Variants in CCNY observed in about 807,000 individuals in gnomAD.
CCNY encodes cyclin-Y.
Under a neutral mutation model 42.8 loss-of-function variants are expected in CCNY, and 19 were observed. The ratio of observed to expected loss-of-function variants is 0.44; its 90% CI spans 0.31 to 0.65. The LOEUF is 0.65. Ranked by LOEUF, CCNY falls within the 30% of genes least tolerant of loss-of-function variation. The probability of loss-of-function intolerance (pLI) is 0.07; values close to 1 mark genes in which losing one functional copy is unlikely to be tolerated. For missense variants in CCNY, 370 were observed against 437.3 expected (o/e 0.85, Z 1.37); for synonymous variants, 165 against 162.7 (o/e 1.01, Z -0.11).
intron 1 of CCNY, among the ~76,000 whole-genome samples, chr10:35,433,073 G>A (rs529452966): frequency 4.6e-5 from 7 of 152,112 alleles, no homozygotes; most frequent in African/African-American, 1.7e-4. Context: ...GGCTGGGCAC[G>A]GTGGCTCATA....
chr10:35,275,521 T>A (rs946453006), intron 3 of CCNY, among the ~76,000 whole-genome samples: 10 of 150,644 alleles, frequency 6.6e-5, no homozygotes, highest in Non-Finnish European at 1.0e-4. Context: ...CCCAGCACTT[T>A]GGGAGGCCGA....
intron 1 of CCNY, among the ~76,000 whole-genome samples, chr10:35,367,915 C>T (rs989517792): frequency 2.6e-5 from 4 of 152,158 alleles, no homozygotes; most frequent in Non-Finnish European, 2.9e-5. Context: ...ACATACTGCC[C>T]CTCTCCCACA....
intron 1 of CCNY, among the ~76,000 whole-genome samples, chr10:35,390,845 A>G (rs1164708810): frequency 3.3e-5 from 5 of 152,246 alleles, no homozygotes; most frequent in African/African-American, 7.2e-5. Context: ...CTCAAGATAC[A>G]TAACATGAAT....
intron 1 of CCNY, among the ~76,000 whole-genome samples, chr10:35,383,586 G>A (rs1366405766): frequency 6.6e-6 from 1 of 152,162 alleles, no homozygotes; most frequent in Admixed American, 6.5e-5. Context: ...GGGATTACAG[G>A]CATGAGCCCT....
chr10:35,567,532 C>T lies in CCNY; in HGVS notation c.909+1347C>T, dbSNP rs149300096. ...GAGTGTTTCCGAGTGGTGGATGGCA[C>T]TGTCATGTCCCCAGCTTGTGAGGTC... On this transcript the variant is annotated intron_variant, in intron 9 of 9. Coordinates refer to ENST00000374704, the MANE Select transcript of CCNY (RefSeq NM_145012.6). Among the ~76,000 whole-genome samples, 958 of 152,314 alleles carry T rather than the reference C, an allele frequency of 6.3e-3. 7 individuals carry two copies. Among genetic ancestry groups the T allele is most frequent in the Non-Finnish European group, 6.5e-3 (439 of 68,012 alleles).
chr10:35,424,100 T>C (rs1446965717), intron 1 of CCNY, among the ~76,000 whole-genome samples: 1 of 151,952 alleles, frequency 6.6e-6, no homozygotes, highest in African/African-American at 2.4e-5. Context: ...GTTTCTCATC[T>C]GTCAAGAGGG....
At chr10:35,476,672 A>G (rs918171610) in intron 1 of CCNY, among the ~76,000 whole-genome samples, 90 of 150,984 alleles carry the variant, frequency 6.0e-4, no homozygotes, top group African/African-American at 2.1e-3. Context: ...AAATGCCCAC[A>G]AGAGAAAGCA....
chr10:35,433,760 TGCCACC>T (rs1838465251), intron 1 of CCNY, among the ~76,000 whole-genome samples: 2 of 152,180 alleles, frequency 1.3e-5, no homozygotes, highest in African/African-American at 4.8e-5. Context: ...CACAGGCACG[TGCCACC>T]ATGCCTAATT....
chr10:35,424,993 G>A (rs983541894), intron 1 of CCNY, among the ~76,000 whole-genome samples: 6 of 152,110 alleles, frequency 3.9e-5, no homozygotes, highest in African/African-American at 1.4e-4. Context: ...CTCCCACCCC[G>A]GTACAATGGC....
Position 35,489,541 on chromosome 10 carries a change from C to G in CCNY, c.229+6063C>G, listed in dbSNP as rs545708295. ...GGTCTCGATCTTCTGACCTCATGAGCCACTGCACCCAGCCAAGCCTTTGTT... is the reference window on the plus strand; with the variant it reads ...GGTCTCGATCTTCTGACCTCATGAGGCACTGCACCCAGCCAAGCCTTTGTT... On this transcript the variant is annotated intron_variant, in intron 2 of 9. Coordinates refer to ENST00000374704, the MANE Select transcript of CCNY (RefSeq NM_145012.6). Among the ~76,000 whole-genome samples, 8 of 152,258 alleles carry G rather than the reference C, an allele frequency of 5.3e-5. No homozygotes were observed. In the South Asian group the frequency reaches 8.3e-4, roughly 16 times the overall value.
chr10:35,420,828 C>T (rs1280171402), intron 1 of CCNY, among the ~76,000 whole-genome samples: 1 of 152,228 alleles, frequency 6.6e-6, no homozygotes, highest in Non-Finnish European at 1.5e-5. Context: ...TGTTAATTCA[C>T]AGCCTAAATG....
intron 7 of CCNY, among the ~76,000 whole-genome samples, chr10:35,551,140 G>A (rs1031541395): frequency 6.6e-6 from 1 of 152,150 alleles, no homozygotes; most frequent in African/African-American, 2.4e-5. Context: ...TTCTGTGATC[G>A]TTGGGTCCCC....
chr10:35,303,691 C>A (rs1035526197), intron 3 of CCNY, among the ~76,000 whole-genome samples: 1 of 148,620 alleles, frequency 6.7e-6, no homozygotes, highest in South Asian at 2.1e-4. Flanking sequence ...GCAGGAGAAT[C>A]CCTTGGACCT....
chr10:35,451,388 A>C (rs942406447), intron 1 of CCNY, among the ~76,000 whole-genome samples: 6 of 152,200 alleles, frequency 3.9e-5, no homozygotes, highest in African/African-American at 1.4e-4. Flanking sequence ...GCACTTGTAA[A>C]TGTTACCAAG....
chr10:35,411,276 G>A (rs1314471894), intron 1 of CCNY, among the ~76,000 whole-genome samples: 1 of 152,128 alleles, frequency 6.6e-6, no homozygotes, highest in African/African-American at 2.4e-5. Context: ...ACTTTGGGAG[G>A]CCGAGGCAGG....
At chr10:35,541,630 C>T (rs1841002580) in intron 7 of CCNY, among the ~76,000 whole-genome samples, 3 of 152,178 alleles carry the variant, frequency 2.0e-5, no homozygotes, top group Admixed American at 6.5e-5. Flanking sequence ...GAACTCCTGT[C>T]GTCAAGTGAC....
intron 2 of CCNY, among the ~76,000 whole-genome samples, chr10:35,485,642 G>A (rs1319428860): frequency 4.0e-5 from 6 of 151,196 alleles, no homozygotes; most frequent in South Asian, 2.1e-4. Context: ...GGAGAATGGC[G>A]TGAATCCGGG....
intron 1 of CCNY, among the ~76,000 whole-genome samples, chr10:35,419,857 T>C (rs1337653651): frequency 1.3e-5 from 2 of 151,744 alleles, no homozygotes; most frequent in African/African-American, 4.8e-5. Context: ...AATTAGGAAA[T>C]AGGCTGACAG....
At chr10:35,429,919 C>T (rs1838348176) in intron 1 of CCNY, among the ~76,000 whole-genome samples, 1 of 152,192 alleles carries the variant, frequency 6.6e-6, no homozygotes, top group African/African-American at 2.4e-5. Context: ...TCAGTAGTGA[C>T]TGGCTCTGTT....
Sources: allele counts gnomAD v4.1 joint callset (sites outside exome capture counted in the v4.1 genomes callset), GRCh38; gene constraint gnomAD v4.1.1; transcripts MANE v1.5; gene names NCBI Gene and HGNC (gene_info 2026-07-23, HGNC 2026-07-21).